The following MCM10 variants were observed in gnomAD, a reference collection of about 807,000 sequenced individuals.
MCM10 encodes the protein minichromosome maintenance 10 replication initiation factor.
MCM10 carries 91 observed loss-of-function variants against 109.9 expected under a neutral mutation model. That is an observed-to-expected ratio of 0.83 (90% CI 0.70 to 0.99). The LOEUF is 0.99. Ranked by LOEUF, MCM10 falls within the 50% of genes least tolerant of loss-of-function variation. The pLI is 0.00. For missense variants in MCM10, 1,077 were observed against 1,061.2 expected (o/e 1.01, Z -0.21); for synonymous variants, 380 against 387.2 (o/e 0.98, Z 0.22).
At chr10:13,205,954 G>GTGCACACA (rs1834574548) in intron 18 of MCM10, among the ~76,000 whole-genome samples, 1 of 152,154 alleles carries the variant, frequency 6.6e-6, no homozygotes, top group Non-Finnish European at 1.5e-5. Flanking sequence ...CTGGGTTAAG[G>GTGCACACA]AACCCTCCCT....
At chr10:13,195,582 GTTTATTTATTTATTTA>G (rs71386164) in intron 14 of MCM10, 29 of 148,522 alleles carry the variant, frequency 2.0e-4, no homozygotes, top group African/African-American at 2.5e-4. Flanking sequence ...CTTTTTTTAC[GTTTATTTATTTATTTA>G]TTTATTTATT....
chr10:13,197,798 A>G, intron 15 of MCM10, 31 bp downstream of exon 15: 1 of 1,589,206 alleles, frequency 6.3e-7, no homozygotes, highest in Non-Finnish European at 8.5e-7. Context: ...ACAGTGGGAA[A>G]GAGAAACTGT....
intron 6 of MCM10, 73 bp from the exon 7 acceptor site, chr10:13,180,369 T>C: frequency 7.2e-7 from 1 of 1,387,768 alleles, no homozygotes; most frequent in Non-Finnish European, 9.8e-7. Context: ...TCACACTCCC[T>C]TACCACCTGC....
chr10:13,180,484 C>T lies in MCM10; in HGVS notation c.807C>T (p.Thr269=), dbSNP rs771345910. 5.7e-5 allele frequency: 92 copies of T among 1,613,432 alleles called. No homozygotes were observed. Among genetic ancestry groups the T allele is most frequent in the Middle Eastern group, 1.6e-4 (1 of 6,084 alleles). Residue 269 remains threonine, a synonymous_variant, in exon 7 of 20, where the codon ACC becomes ACT. Coordinates refer to ENST00000378714, the MANE Select transcript of MCM10 (RefSeq NM_018518.5). The part of the protein sequence containing the change: ...VSSTEMNKKM[T]GRKLIRLSQI... ...CCACAGAAATGAACAAGAAAATGAC[C>T]GGCCGAAAACTGATCAGACTGTCTC...
intron 17 of MCM10, 111 bp downstream of exon 17, chr10:13,201,645 G>GTT: frequency 1.3e-6 from 1 of 787,926 alleles, no homozygotes; most frequent in East Asian, 2.7e-5. Flanking sequence ...TGATGTGTCA[G>GTT]TTAATTAGGC....
rs978658689 is a variant in MCM10 at position 13,172,818 on chromosome 10, G to C, written c.592+53G>C. On this transcript the variant is annotated intron_variant, in intron 5 of 19. Coordinates refer to ENST00000378714, the MANE Select transcript of MCM10 (RefSeq NM_018518.5). This position sits in a 1 kb window ranked among gnomAD's most constrained non-coding sequence, Gnocchi z 5.2. ...GGCACTATTGTATGTGTTTATGTGT[G>C]TGGGGGTGTTCATGTGTGTGTGGGT... The C allele has an allele frequency of 1.9e-6, 3 of 1,576,882 alleles. No individual in the cohort carries two copies. Among genetic ancestry groups the C allele is most frequent in the African/African-American group, 2.7e-5 (2 of 74,122 alleles).
chr10:13,203,772 A>G (rs1287122597), intron 17 of MCM10, among the ~76,000 whole-genome samples: 1 of 151,606 alleles, frequency 6.6e-6, no homozygotes. Flanking sequence ...GAATAAGCCT[A>G]TATCCTTTTT....
At chr10:13,207,990 T>G (rs1834606925) in intron 18 of MCM10, among the ~76,000 whole-genome samples, 1 of 151,798 alleles carries the variant, frequency 6.6e-6, no homozygotes. Flanking sequence ...TCTTCTCTCT[T>G]TCTCTCTCTT....
chr10:13,201,670 C>T (rs1363923089), intron 17 of MCM10, 136 bp downstream of exon 17: 8 of 666,330 alleles, frequency 1.2e-5, no homozygotes, highest in Admixed American at 1.0e-4. Context: ...AAGCAAAGGG[C>T]GCAGGTGGCC....
At chr10:13,163,021 G>A (rs1384793042) in intron 1 of MCM10, among the ~76,000 whole-genome samples, 1 of 151,854 alleles carries the variant, frequency 6.6e-6, no homozygotes, top group Non-Finnish European at 1.5e-5. Flanking sequence ...GGAGCTTGCA[G>A]TGAGCCAAGA....
intron 6 of MCM10, 71 bp from the exon 7 acceptor site, chr10:13,180,371 A>G: frequency 5.7e-6 from 8 of 1,404,852 alleles, no homozygotes; most frequent in South Asian, 1.4e-5. Context: ...ACACTCCCTT[A>G]CCACCTGCTA....
intron 18 of MCM10, 63 bp downstream of exon 18, chr10:13,204,427 T>G (rs1834542568): frequency 3.2e-6 from 5 of 1,580,630 alleles, no homozygotes; most frequent in Non-Finnish European, 4.3e-6. Flanking sequence ...TTCCAGAGTC[T>G]GTGATTCTGT....
chr10:13,193,129 A>G (rs555850472), intron 13 of MCM10, among the ~76,000 whole-genome samples: 1 of 152,042 alleles, frequency 6.6e-6, no homozygotes, highest in Non-Finnish European at 1.5e-5. Flanking sequence ...GCAAGCCTGG[A>G]TTTGCCTGGC....
At chr10:13,202,684 C>T (rs1348313202) in intron 17 of MCM10, among the ~76,000 whole-genome samples, 1 of 152,164 alleles carries the variant, frequency 6.6e-6, no homozygotes, top group African/African-American at 2.4e-5. Context: ...ACAGGAAACA[C>T]AAACCCACCA....
intron 8 of MCM10, among the ~76,000 whole-genome samples, chr10:13,185,128 G>A (rs920956480): frequency 6.6e-6 from 1 of 152,184 alleles, no homozygotes; most frequent in Admixed American, 6.5e-5. Context: ...TCTGGGTTGA[G>A]CCAGTCCACC....
intron 2 of MCM10, among the ~76,000 whole-genome samples, chr10:13,169,395 C>G (rs559335876): frequency 3.3e-4 from 50 of 152,276 alleles, no homozygotes; most frequent in African/African-American, 1.1e-3. Flanking sequence ...CATGAGACAA[C>G]GAACCTCAGG....
chr10:13,179,610 T>C (rs1834184101), intron 6 of MCM10, among the ~76,000 whole-genome samples: 1 of 152,206 alleles, frequency 6.6e-6, no homozygotes, highest in Non-Finnish European at 1.5e-5. Flanking sequence ...TATAACGCTA[T>C]CAAAGATGAA....
Position 13,209,581 on chromosome 10 carries a change from C to G in MCM10, c.*271C>G. 2.1e-6 allele frequency: 1 copy of G among 486,050 alleles called. No homozygotes were observed. Among genetic ancestry groups the G allele is most frequent in the Admixed American group, 3.7e-5 (1 of 27,250 alleles). 30.1% of individuals were successfully genotyped at this position (486,050 alleles called of 1,614,324 possible). The stretch of plus-strand genomic sequence containing the variant: ...TACTTCATTCACTGAAGTTTTTGCC[C>G]AAAAATTGGAAGGTAAACAGAGAGC... On this transcript the variant is annotated 3_prime_UTR_variant, in exon 20 of 20. Transcript: ENST00000378714.
chr10:13,204,243 C>A lies in MCM10; in HGVS notation c.2377C>A (p.Leu793Met), dbSNP rs764295674. The A allele has an allele frequency of 6.2e-7, 1 of 1,614,142 alleles. No homozygotes were observed. ...GTGCGCCTATACCCACTTCAAGCTG[C>A]TGGAGACCTGCGTCAGTGAGCAGCA... ...KTCAYTHFKL[L>M]ETCVSEQHEY... The change falls in exon 18 of 20, where the codon CTG (leucine) becomes ATG (methionine). Residue 793 changes from leucine to methionine, a missense_variant. Leu to Met is a conservative substitution (Grantham distance 15). Transcript: ENST00000378714.
Sources: allele counts gnomAD v4.1 joint callset (sites outside exome capture counted in the v4.1 genomes callset), GRCh38; gene constraint gnomAD v4.1.1; non-coding constraint Gnocchi (gnomAD v3.1); transcripts MANE v1.5; gene names NCBI Gene and HGNC (gene_info 2026-07-23, HGNC 2026-07-21).